The following ASTN2 variants were observed in gnomAD, a reference collection of about 807,000 sequenced individuals.
ASTN2 encodes astrotactin-2.
Under a neutral mutation model 139.8 loss-of-function variants are expected in ASTN2, and 54 were observed. The observed-to-expected ratio is 0.39, with a 90% CI of 0.31 to 0.48. The LOEUF (loss-of-function observed/expected upper bound fraction) is 0.48, where lower values mean the gene tolerates loss of function less well. Ranked by LOEUF, ASTN2 falls within the 20% of genes least tolerant of loss-of-function variation. The probability of loss-of-function intolerance (pLI) is 0.95; values close to 1 mark genes in which losing one functional copy is unlikely to be tolerated. For synonymous variants in ASTN2, 756 were observed against 719.5 expected, an observed-to-expected ratio of 1.05 and a Z score of -0.81; for missense variants, 1,565 against 1,725.1, an observed-to-expected ratio of 0.91 and a Z score of 1.64.
intron 20 of ASTN2, among the ~76,000 whole-genome samples, chr9:116,458,763 G>T (rs1348721933): frequency 6.6e-6 from 1 of 151,816 alleles, no homozygotes; most frequent in African/African-American, 2.4e-5. Context: ...ATTAAAGAAG[G>T]CCTGTGTAAA....
At chr9:117,372,693 TTATC>T (rs1454177726) in intron 1 of ASTN2, among the ~76,000 whole-genome samples, 3 of 152,184 alleles carry the variant, frequency 2.0e-5, no homozygotes, top group Non-Finnish European at 4.4e-5. Flanking sequence ...TGAATTAATT[TTATC>T]TATTATTAAT....
chr9:116,610,694 G>A (rs1855491585), intron 19 of ASTN2, among the ~76,000 whole-genome samples: 1 of 152,038 alleles, frequency 6.6e-6, no homozygotes, highest in Non-Finnish European at 1.5e-5. Context: ...GTAGATTTCA[G>A]AACAGAATGT....
chr9:116,593,532 C>A (rs944044873), intron 19 of ASTN2, among the ~76,000 whole-genome samples: 1 of 152,198 alleles, frequency 6.6e-6, no homozygotes, highest in South Asian at 2.1e-4. Flanking sequence ...CCTATGCAAG[C>A]CAAGTCTGGC....
chr9:116,854,947 C>T (rs1005329021), intron 11 of ASTN2, among the ~76,000 whole-genome samples: 8 of 151,098 alleles, frequency 5.3e-5, no homozygotes, highest in Admixed American at 1.3e-4. Context: ...CCACCGCGCC[C>T]GGCCTCCCTT....
intron 17 of ASTN2, among the ~76,000 whole-genome samples, chr9:116,651,106 G>A (rs924900473): frequency 7.2e-5 from 11 of 151,946 alleles, no homozygotes; most frequent in African/African-American, 2.4e-4. Flanking sequence ...TAGTAGAGAT[G>A]GGGTTTCACC....
At chr9:116,518,043 C>T (rs572094519) in intron 19 of ASTN2, among the ~76,000 whole-genome samples, 1 of 152,276 alleles carries the variant, frequency 6.6e-6, no homozygotes, top group Non-Finnish European at 1.5e-5. Flanking sequence ...AATTGGTGCT[C>T]CCAAGGAAGA....
chr9:116,797,052 C>T (rs1017822294), intron 13 of ASTN2, among the ~76,000 whole-genome samples: 9 of 151,856 alleles, frequency 5.9e-5, no homozygotes, highest in African/African-American at 2.2e-4. Flanking sequence ...AACTCCTGGC[C>T]TCAAGCAATC....
intron 1 of ASTN2, among the ~76,000 whole-genome samples, chr9:117,296,142 G>A (rs964700149): frequency 6.6e-6 from 1 of 151,818 alleles, no homozygotes; most frequent in African/African-American, 2.4e-5. Context: ...GCCAGGCATG[G>A]TGGCATACAC....
intron 17 of ASTN2, among the ~76,000 whole-genome samples, chr9:116,635,046 C>T (rs887778122): frequency 1.3e-5 from 2 of 152,192 alleles, no homozygotes; most frequent in African/African-American, 4.8e-5. Context: ...AAATGCTTTA[C>T]ATGCATAGTC....
In ASTN2 at chr9:117,392,050, G is replaced by A. The variant is rs115564511; in HGVS notation, c.442+22447C>T. Among the ~76,000 whole-genome samples, 279 of 152,270 alleles carry A rather than the reference G, an allele frequency of 1.8e-3. 2 individuals are homozygous for A. The highest frequency in any genetic ancestry group is 6.3e-3 in the African/African-American group (262 of 41,566). Reference sequence around the variant, plus strand: ...TGGGCATTCATTATAAGCACAACGGGAAGTCATGAGTTGAAGCAGAGAAGA... The same window carrying A: ...TGGGCATTCATTATAAGCACAACGGAAAGTCATGAGTTGAAGCAGAGAAGA... On this transcript the variant is annotated intron_variant, in intron 1 of 22. Transcript: ENST00000313400.
intron 16 of ASTN2, among the ~76,000 whole-genome samples, chr9:116,668,025 C>CAG (rs998725205): frequency 2.0e-5 from 3 of 152,100 alleles, no homozygotes; most frequent in Non-Finnish European, 4.4e-5. Context: ...TAGTACCATG[C>CAG]AGAGTATTTT....
intron 20 of ASTN2, among the ~76,000 whole-genome samples, chr9:116,458,843 T>C (rs1407932033): frequency 6.6e-6 from 1 of 152,040 alleles, no homozygotes; most frequent in Non-Finnish European, 1.5e-5. Flanking sequence ...CCCAAATTTA[T>C]CTGTAGATTC....
At chr9:116,662,894 C>T (rs373661585) in intron 16 of ASTN2, among the ~76,000 whole-genome samples, 4 of 152,046 alleles carry the variant, frequency 2.6e-5, no homozygotes, top group African/African-American at 7.2e-5. Flanking sequence ...ACAGAGTTTC[C>T]GAGAAGTGAC....
rs768085664 is a variant in ASTN2, at chr9:117,214,390, G to A, written c.983C>T (p.Pro328Leu). The change falls in exon 3 of 23, where the codon CCA (proline) becomes CTA (leucine). Residue 328 changes from proline (P) to leucine (L), a missense_variant. By Grantham distance (98) the Pro-to-Leu change is moderately conservative. Coordinates refer to ENST00000313400, the MANE Select transcript of ASTN2 (RefSeq NM_001365068.1). Reference sequence around the variant, plus strand: ...CTCAAAGTCCACCTTCTCTTCCCCTGGATGTCCCAGACTGTCCAGAGTGTG... The same window carrying A: ...CTCAAAGTCCACCTTCTCTTCCCCTAGATGTCCCAGACTGTCCAGAGTGTG... ...VTHTLDSLGH[P>L]GEEKVDFEKK... is the part of the protein sequence containing the mutation. The A allele has an allele frequency of 2.5e-6, 4 of 1,595,080 alleles. No individual in the cohort carries two copies. The South Asian group carries it at 4.4e-5, about 18-fold the overall frequency.
chr9:116,708,426 G>A (rs1446378166), intron 16 of ASTN2, among the ~76,000 whole-genome samples: 8 of 152,194 alleles, frequency 5.3e-5, no homozygotes, highest in Non-Finnish European at 1.0e-4. Flanking sequence ...TCAAAGGGAT[G>A]CAGTATCCTT....
chr9:117,174,036 G>C (rs1444157677), intron 3 of ASTN2, among the ~76,000 whole-genome samples: 1 of 150,622 alleles, frequency 6.6e-6, no homozygotes, highest in African/African-American at 2.4e-5. Flanking sequence ...TGACAGACAA[G>C]GCATAAAAAC....
At chr9:116,839,391 T>C (rs559294611) in intron 11 of ASTN2, among the ~76,000 whole-genome samples, 5 of 152,254 alleles carry the variant, frequency 3.3e-5, no homozygotes, top group Admixed American at 2.0e-4. Flanking sequence ...ATTTACTCAT[T>C]TAAGTATATG....
Position 116,982,287 on chromosome 9 carries a change from T to A in ASTN2, c.1592-5502A>T, listed in dbSNP as rs145344680. On this transcript the variant is annotated intron_variant, in intron 7 of 22. Transcript: ENST00000313400. ...CTGAGCCTGTTTCCTTTACCTATAA[T>A]GGAGCTGACACCATATGCCTGTGGG... is the stretch of plus-strand genomic sequence containing the variant. 9.2e-5 allele frequency among the ~76,000 whole-genome samples: 14 copies of A among 152,308 alleles called. No homozygotes were observed. The East Asian group carries it at 2.7e-3, about 29-fold the overall frequency.
At chr9:116,700,071 C>G in intron 16 of ASTN2, 1 of 319,030 alleles carries the variant, frequency 3.1e-6, no homozygotes, top group East Asian at 8.1e-5. Context: ...GGCTTTGATG[C>G]CCTTGATCCA....
Sources: allele counts gnomAD v4.1 joint callset (sites outside exome capture counted in the v4.1 genomes callset), GRCh38; gene constraint gnomAD v4.1.1; transcripts MANE v1.5; gene names NCBI Gene and HGNC (gene_info 2026-07-23, HGNC 2026-07-21).